Variants in CCM2 observed in about 807,000 individuals in gnomAD.
CCM2 encodes cerebral cavernous malformations 2 protein.
Under a neutral mutation model 44.9 loss-of-function variants are expected in CCM2, and 25 were observed. The ratio of observed to expected loss-of-function variants is 0.56; its 90% CI spans 0.41 to 0.78. The LOEUF is 0.78. Ranked by LOEUF, CCM2 falls within the 30% of genes least tolerant of loss-of-function variation. CCM2 has a pLI of 0.00. For synonymous variants in CCM2, 219 were observed against 241.1 expected (o/e 0.91, Z 0.85); for missense variants, 481 against 580.6 (o/e 0.83, Z 1.76).
At chr7:45,012,819 T>TA (rs1275360306) in intron 1 of CCM2, among the ~76,000 whole-genome samples, 2 of 152,136 alleles carry the variant, frequency 1.3e-5, no homozygotes, top group Non-Finnish European at 2.9e-5. Flanking sequence ...AAGCTGGGGT[T>TA]ACGGCCTTGA....
chr7:45,070,256 G>A (rs1452146032), intron 6 of CCM2: 6 of 431,518 alleles, frequency 1.4e-5, no homozygotes, highest in South Asian at 4.2e-5. Flanking sequence ...CACTTAACTC[G>A]GAACAAAGAG....
chr7:45,058,249 A>G (rs757162792), intron 2 of CCM2, among the ~76,000 whole-genome samples: 2 of 152,204 alleles, frequency 1.3e-5, no homozygotes, highest in Non-Finnish European at 2.9e-5. Flanking sequence ...AAGAGGGGAC[A>G]TCTTTGCCTT....
chr7:45,021,407 T>C (rs559634717), intron 1 of CCM2, among the ~76,000 whole-genome samples: 33 of 151,366 alleles, frequency 2.2e-4, no homozygotes, highest in African/African-American at 6.3e-4. Flanking sequence ...CTACTAAAAA[T>C]ACAAAAATTA....
At chr7:45,043,971 G>A (rs1797635019) in intron 2 of CCM2, among the ~76,000 whole-genome samples, 1 of 152,062 alleles carries the variant, frequency 6.6e-6, no homozygotes, top group South Asian at 2.1e-4. Flanking sequence ...ATATTTATTA[G>A]GATTATTGTA....
In CCM2 at chr7:45,064,758, A is replaced by G. The variant is rs1279741135; in HGVS notation, c.472+112A>G. 3.7e-6 allele frequency: 4 copies of G among 1,090,556 alleles called. No homozygotes were observed. In the Admixed American group the frequency reaches 7.9e-5, roughly 22 times the overall value. The allele number at this position is 1,090,556 out of a possible 1,614,324, so 67.6% of individuals were successfully genotyped here. On this transcript the variant is annotated intron_variant, in intron 4 of 9. Coordinates refer to ENST00000258781, the MANE Select transcript of CCM2 (RefSeq NM_031443.4). ...TTCGTGTTGGGTGCTGCTGTTTGTC[A>G]CGACCAATAATTGTCTTTCCTGTCT...
chr7:45,035,607 G>A (rs1417851074), intron 1 of CCM2, among the ~76,000 whole-genome samples: 1 of 152,170 alleles, frequency 6.6e-6, no homozygotes, highest in Non-Finnish European at 1.5e-5. Context: ...GTCGGGCAAG[G>A]GGAGCTATTC....
At chr7:45,064,222 A>G (rs1798657115) in intron 3 of CCM2, among the ~76,000 whole-genome samples, 1 of 152,198 alleles carries the variant, frequency 6.6e-6, no homozygotes, top group Non-Finnish European at 1.5e-5. Context: ...TACACTTTCA[A>G]GATATTTCAA....
At chr7:45,014,742 C>T (rs554046818) in intron 1 of CCM2, among the ~76,000 whole-genome samples, 1 of 152,110 alleles carries the variant, frequency 6.6e-6, no homozygotes, top group Admixed American at 6.6e-5. Context: ...CTGCTTCAGC[C>T]TCCCCAGTAG....
chr7:45,003,020 G>C (rs935838082), intron 1 of CCM2, among the ~76,000 whole-genome samples: 14 of 152,204 alleles, frequency 9.2e-5, no homozygotes, highest in African/African-American at 3.1e-4. Flanking sequence ...TTGGGGTTTG[G>C]AGAATAAGGC....
chr7:45,031,470 C>T (rs1005696220), intron 1 of CCM2, among the ~76,000 whole-genome samples: 3 of 151,988 alleles, frequency 2.0e-5, no homozygotes, highest in African/African-American at 7.3e-5. Context: ...CTTTGAGCTC[C>T]TGGGTTCAAG....
At chr7:45,031,746 A>AT (rs544120743) in intron 1 of CCM2, among the ~76,000 whole-genome samples, 5 of 151,494 alleles carry the variant, frequency 3.3e-5, no homozygotes, top group South Asian at 2.1e-4. Context: ...TAATTTTTGT[A>AT]TTTTTTTTAA....
chr7:45,064,736 G>A (rs1038450542), intron 4 of CCM2, 90 bp downstream of exon 4: 1 of 1,350,374 alleles, frequency 7.4e-7, no homozygotes, highest in Non-Finnish European at 1.0e-6. Context: ...TTGCAGCTTC[G>A]TGTTGGGTGC....
intron 2 of CCM2, among the ~76,000 whole-genome samples, chr7:45,039,414 G>A (rs968660616): frequency 3.9e-5 from 6 of 152,196 alleles, no homozygotes; most frequent in Non-Finnish European, 4.4e-5. Flanking sequence ...ACTGGCCCTT[G>A]GGTTTACCCA....
At position 45,013,763 on chromosome 7, in the gene CCM2, C is replaced by G. The variant is rs147795244; in HGVS notation, c.30+13400C>G. ...AACTTGAAATGGTTCCTAGTCTTTT[C>G]TTGTCTCTGATGATTGATATTTTTG... On this transcript the variant is annotated intron_variant, in intron 1 of 9. Coordinates refer to ENST00000258781, the MANE Select transcript of CCM2 (RefSeq NM_031443.4). Among the ~76,000 whole-genome samples, 47 of 152,276 alleles carry G rather than the reference C, an allele frequency of 3.1e-4. No homozygotes were observed. The East Asian group carries it at 8.3e-3, about 27-fold the overall frequency.
At chr7:45,018,913 C>T (rs894542989) in intron 1 of CCM2, among the ~76,000 whole-genome samples, 1 of 151,912 alleles carries the variant, frequency 6.6e-6, no homozygotes, top group African/African-American at 2.4e-5. Context: ...GCATGCACCA[C>T]CATGCCAGGC....
chr7:45,051,830 G>A (rs1454304138), intron 2 of CCM2, among the ~76,000 whole-genome samples: 1 of 151,348 alleles, frequency 6.6e-6, no homozygotes, highest in Non-Finnish European at 1.5e-5. Flanking sequence ...CAAAATGCTG[G>A]GATTATAGGC....
At chr7:45,048,497 C>T (rs1398548321) in intron 2 of CCM2, among the ~76,000 whole-genome samples, 1 of 152,136 alleles carries the variant, frequency 6.6e-6, no homozygotes, top group African/African-American at 2.4e-5. Context: ...CTTCACAAAA[C>T]CTTCATAAAG....
intron 1 of CCM2, among the ~76,000 whole-genome samples, chr7:45,000,818 C>G (rs562293687): frequency 6.6e-6 from 1 of 152,316 alleles, no homozygotes; most frequent in Admixed American, 6.5e-5. Flanking sequence ...TCACTCAGAC[C>G]TAAAACCATT....
chr7:45,019,061 T>G (rs1185344312), intron 1 of CCM2, among the ~76,000 whole-genome samples: 1 of 78,500 alleles, frequency 1.3e-5, no homozygotes. Context: ...CGCCTGGCCT[T>G]TTTTTTTTTT....
Sources: gnomAD v4.1 joint callset for allele counts (sites outside exome capture counted in the v4.1 genomes callset) on GRCh38, gnomAD v4.1.1 for gene constraint, MANE v1.5 for transcripts, NCBI Gene and HGNC (gene_info 2026-07-23, HGNC 2026-07-21) for gene names.